Variants in WWP2 observed in about 807,000 individuals in gnomAD.
WWP2 encodes WW domain containing E3 ubiquitin protein ligase 2.
A neutral mutation model predicts 121.0 loss-of-function variants in WWP2; 57 were observed. That is an observed-to-expected ratio of 0.47 (90% CI 0.38 to 0.59). WWP2 has a LOEUF of 0.59. WWP2 is among the 20% of genes least tolerant of loss of function. The pLI, the probability that WWP2 is intolerant of heterozygous loss-of-function variation, is 0.00. For missense variants in WWP2, 962 were observed against 1,158.9 expected, an observed-to-expected ratio of 0.83 and a Z score of 2.47; for synonymous variants, 449 against 441.3, an observed-to-expected ratio of 1.02 and a Z score of -0.22.
At chr16:69,766,341 C>T (rs1788194674) in intron 1 of WWP2, among the ~76,000 whole-genome samples, 2 of 152,196 alleles carry the variant, frequency 1.3e-5, no homozygotes, top group South Asian at 2.1e-4. Flanking sequence ...TTGTCTCCCT[C>T]TTCCACCCTG....
intron 6 of WWP2, among the ~76,000 whole-genome samples, chr16:69,866,876 C>T (rs969882153): frequency 3.3e-5 from 5 of 151,826 alleles, no homozygotes; most frequent in Non-Finnish European, 5.9e-5. Context: ...CTCGCTCTGT[C>T]GCCCAGGCTG....
At chr16:69,829,764 G>A (rs1267249244) in intron 4 of WWP2, among the ~76,000 whole-genome samples, 2 of 152,076 alleles carry the variant, frequency 1.3e-5, no homozygotes, top group Non-Finnish European at 2.9e-5. Context: ...TTCTCCCACT[G>A]AATTAATTGT....
intron 4 of WWP2, among the ~76,000 whole-genome samples, chr16:69,816,769 A>G (rs1029208813): frequency 6.6e-6 from 1 of 152,134 alleles, no homozygotes; most frequent in Non-Finnish European, 1.5e-5. Context: ...ATATACACAT[A>G]CACACATACA....
chr16:69,933,932 A>G lies in WWP2; in HGVS notation c.1683-38A>G, dbSNP rs1019026858. On this transcript the variant is annotated intron_variant, in intron 16 of 23. Transcript: ENST00000359154. ...CTCCTGTGCAGATGTGCACGAAGGG[A>G]CCCATTATTCTTGTCTTTTCTGTCT... The G allele has an allele frequency of 4.4e-6, 7 of 1,603,864 alleles. No individual in the cohort carries two copies. The Admixed American group carries it at 1.2e-4, about 27-fold the overall frequency.
chr16:69,800,206 C>T (rs1289624321), intron 4 of WWP2, among the ~76,000 whole-genome samples: 1 of 152,114 alleles, frequency 6.6e-6, no homozygotes, highest in Non-Finnish European at 1.5e-5. Flanking sequence ...TAGAGATGTG[C>T]TGAACCCACA....
intron 6 of WWP2, among the ~76,000 whole-genome samples, chr16:69,847,803 C>T (rs1385808565): frequency 6.6e-6 from 1 of 152,126 alleles, no homozygotes. Flanking sequence ...GGGATCCACC[C>T]CCATGACCTA....
intron 7 of WWP2, among the ~76,000 whole-genome samples, chr16:69,885,766 G>A (rs1409379515): frequency 6.6e-6 from 1 of 152,142 alleles, no homozygotes; most frequent in East Asian, 1.9e-4. Context: ...GTGTTAAGTG[G>A]GGATATCAAT....
At chr16:69,933,007 G>A in intron 16 of WWP2, 1 of 474,442 alleles carries the variant, frequency 2.1e-6, no homozygotes, top group South Asian at 1.5e-5. Context: ...CCCGTGGATG[G>A]ATGTTCCTTT....
At chr16:69,905,513 A>G (rs1469714606) in intron 8 of WWP2, among the ~76,000 whole-genome samples, 2 of 152,200 alleles carry the variant, frequency 1.3e-5, no homozygotes, top group Non-Finnish European at 1.5e-5. Flanking sequence ...TAAAGGAAAT[A>G]CTGGAGAATT....
At chr16:69,866,095 G>A (rs561754293) in intron 6 of WWP2, among the ~76,000 whole-genome samples, 1 of 152,200 alleles carries the variant, frequency 6.6e-6, no homozygotes, top group South Asian at 2.1e-4. Context: ...AGGTTTCTCT[G>A]GCGTCTTCTT....
At chr16:69,910,260 T>G in intron 9 of WWP2, 1 of 536,128 alleles carries the variant, frequency 1.9e-6, no homozygotes, top group Non-Finnish European at 2.4e-6. Flanking sequence ...ATTAACAGTA[T>G]TTTGTTTATA....
intron 7 of WWP2, among the ~76,000 whole-genome samples, chr16:69,876,642 G>A (rs1473302425): frequency 6.6e-6 from 1 of 152,144 alleles, no homozygotes; most frequent in Non-Finnish European, 1.5e-5. Flanking sequence ...GAGATTATAG[G>A]CGTGAGCCAC....
intron 8 of WWP2, among the ~76,000 whole-genome samples, chr16:69,889,523 T>C (rs2057988164): frequency 1.3e-5 from 2 of 152,194 alleles, no homozygotes; most frequent in African/African-American, 2.4e-5. Flanking sequence ...AAGGTGGAGA[T>C]AATCATCATA....
intron 1 of WWP2, among the ~76,000 whole-genome samples, chr16:69,770,739 T>C (rs1182698233): frequency 6.6e-6 from 1 of 152,098 alleles, no homozygotes; most frequent in African/African-American, 2.4e-5. Flanking sequence ...TCCAGGTGGA[T>C]AGTGTAGGAA....
At position 69,937,681 on chromosome 16, in the gene WWP2, G is replaced by A; in HGVS notation, c.2343+29G>A. 2.5e-6 allele frequency: 4 copies of A among 1,610,836 alleles called. No homozygotes were observed. The highest frequency in any genetic ancestry group is 3.4e-6 in the Non-Finnish European group (4 of 1,177,698). Reference sequence around the variant, plus strand: ...GGTCCCGGGCCCAGGCCTTGGCAGGGACATTTGGGCCATCAACCAAAGGAA... The same window carrying A: ...GGTCCCGGGCCCAGGCCTTGGCAGGAACATTTGGGCCATCAACCAAAGGAA... On this transcript the variant is annotated intron_variant, in intron 21 of 23. Coordinates refer to ENST00000359154, the MANE Select transcript of WWP2 (RefSeq NM_001270454.2). The surrounding 1 kb of genome is among the most constrained non-coding windows in gnomAD (Gnocchi z 6.6).
chr16:69,774,816 CA>C (rs941685981), intron 1 of WWP2: 9 of 151,542 alleles, frequency 5.9e-5, no homozygotes, highest in African/African-American at 2.2e-4. Context: ...CTAAAAATAC[CA>C]AAATTAGCCA....
At chr16:69,861,851 CA>C (rs1228962344) in intron 6 of WWP2, among the ~76,000 whole-genome samples, 2 of 152,082 alleles carry the variant, frequency 1.3e-5, no homozygotes, top group Admixed American at 1.3e-4. Context: ...GGCCCAGCTC[CA>C]CTGAATTTTT....
chr16:69,917,809 T>C lies in WWP2; in HGVS notation c.1105T>C (p.Tyr369His), dbSNP rs1165564009. ...TCCGACCGCGGAGTACGTGCGCAAC[T>C]ATGAGCAGTGGCAGTCGCAGCGGAA... ...QRPTAEYVRN[Y>H]EQWQSQRNQL... Residue 369 changes from tyrosine (Y) to histidine (H), a missense_variant, in exon 10 of 24, where the codon TAT becomes CAT. Tyr to His is a moderately conservative substitution (Grantham distance 83). Coordinates refer to ENST00000359154, the MANE Select transcript of WWP2 (RefSeq NM_001270454.2). 7 of 1,613,958 alleles carry C rather than the reference T, an allele frequency of 4.3e-6. No individual in the cohort carries two copies. The highest frequency in any genetic ancestry group is 1.7e-5 in the Admixed American group (1 of 60,008).
At chr16:69,816,374 G>C (rs1313254044) in intron 4 of WWP2, among the ~76,000 whole-genome samples, 2 of 150,930 alleles carry the variant, frequency 1.3e-5, no homozygotes, top group African/African-American at 4.9e-5. Context: ...TTGAAGCCAG[G>C]AGTGCAAGAC....
Sources: allele counts gnomAD v4.1 joint callset (sites outside exome capture counted in the v4.1 genomes callset), GRCh38; gene constraint gnomAD v4.1.1; non-coding constraint Gnocchi (gnomAD v3.1); transcripts MANE v1.5; gene names NCBI Gene and HGNC (gene_info 2026-07-23, HGNC 2026-07-21).